The following LOC128071545 variants were observed in gnomAD, a reference collection of about 807,000 sequenced individuals.
the LOC128071545 span, chr15:81,002,166 G>C: frequency 8.7e-7 from 1 of 1,152,924 alleles, no homozygotes; most frequent in Non-Finnish European, 1.1e-6. Context: ...AAGGCACCGC[G>C]GCCTTGGCCA....
the LOC128071545 span, chr15:81,002,198 G>T: frequency 9.9e-6 from 12 of 1,207,564 alleles, no homozygotes; most frequent in Non-Finnish European, 1.2e-5. Context: ...ACGGCCGCCG[G>T]GGCGGCGGCA....
chr15:81,002,184 C>G, the LOC128071545 span: 158 of 1,196,312 alleles, frequency 1.3e-4, 1 homozygote, highest in Non-Finnish European at 1.6e-4. Context: ...CCAGCTGAGT[C>G]GCGACGGCCG....
chr15:81,002,162 C>T, the LOC128071545 span: 5 of 1,146,096 alleles, frequency 4.4e-6, no homozygotes, highest in Non-Finnish European at 5.4e-6. Context: ...GGGGAAGGCA[C>T]CGCGGCCTTG....
At chr15:81,002,219 C>T in the LOC128071545 span, 7 of 1,220,674 alleles carry the variant, frequency 5.7e-6, no homozygotes, top group East Asian at 3.3e-5. Flanking sequence ...GTGGCCGCGG[C>T]AGCGGCGGTG....
At chr15:81,002,185 G>T in the LOC128071545 span, 4 of 1,199,104 alleles carry the variant, frequency 3.3e-6, no homozygotes, top group South Asian at 1.7e-4. Context: ...CAGCTGAGTC[G>T]CGACGGCCGC....
the LOC128071545 span, chr15:81,002,151 C>A: frequency 2.8e-6 from 3 of 1,084,922 alleles, no homozygotes; most frequent in Non-Finnish European, 1.2e-6. Flanking sequence ...CATGATGGTG[C>A]GGGGAAGGCA....
chr15:81,002,210 T>TGGCCGCGGCAGC, the LOC128071545 span: 5 of 1,214,852 alleles, frequency 4.1e-6, no homozygotes, highest in Non-Finnish European at 5.1e-6. Context: ...GCGGCGGCAG[T>TGGCCGCGGCAGC]GGCCGCGGCA....
the LOC128071545 span, chr15:81,002,228 T>C: frequency 5.7e-6 from 7 of 1,225,626 alleles, no homozygotes; most frequent in African/African-American, 3.1e-5. Flanking sequence ...GCAGCGGCGG[T>C]GGTAGCGGGC....
chr15:81,002,257 T>C, the LOC128071545 span: 1 of 1,264,830 alleles, frequency 7.9e-7, no homozygotes, highest in Non-Finnish European at 9.9e-7. Context: ...GGCATGCCAG[T>C]GCCCCCCGGG....
chr15:81,002,196 C>G, the LOC128071545 span: 1 of 1,207,658 alleles, frequency 8.3e-7, no homozygotes, highest in East Asian at 3.4e-5. Flanking sequence ...CGACGGCCGC[C>G]GGGGCGGCGG....
At chr15:81,002,241 C>A in the LOC128071545 span, 1 of 1,251,414 alleles carries the variant, frequency 8.0e-7, no homozygotes, top group Non-Finnish European at 1.0e-6. Context: ...TAGCGGGCTC[C>A]CCAGCGGCAT....
the LOC128071545 span, chr15:81,002,155 G>A: frequency 6.3e-6 from 7 of 1,105,086 alleles, no homozygotes; most frequent in South Asian, 3.2e-4. Context: ...ATGGTGCGGG[G>A]AAGGCACCGC....
At chr15:81,002,264 C>G in the LOC128071545 span, 6 of 1,273,566 alleles carry the variant, frequency 4.7e-6, no homozygotes, top group Non-Finnish European at 4.0e-6. Context: ...CAGTGCCCCC[C>G]GGGCGCGATG....
the LOC128071545 span, chr15:81,002,148 G>A: frequency 9.3e-7 from 1 of 1,078,876 alleles, no homozygotes; most frequent in Non-Finnish European, 1.2e-6. Context: ...TGGCATGATG[G>A]TGCGGGGAAG....
the LOC128071545 span, chr15:81,002,256 G>T: frequency 1.6e-6 from 2 of 1,264,772 alleles, no homozygotes; most frequent in Non-Finnish European, 2.0e-6. Context: ...CGGCATGCCA[G>T]TGCCCCCCGG....
At chr15:81,002,194 G>A in the LOC128071545 span, 1 of 1,205,604 alleles carries the variant, frequency 8.3e-7, no homozygotes, top group Admixed American at 4.4e-5. Flanking sequence ...CGCGACGGCC[G>A]CCGGGGCGGC....
At chr15:81,002,178 C>A in the LOC128071545 span, 1 of 1,188,754 alleles carries the variant, frequency 8.4e-7, no homozygotes. Flanking sequence ...CCTTGGCCAG[C>A]TGAGTCGCGA....
chr15:81,002,191 G>A, the LOC128071545 span: 1 of 1,203,482 alleles, frequency 8.3e-7, no homozygotes, highest in Non-Finnish European at 1.0e-6. Flanking sequence ...AGTCGCGACG[G>A]CCGCCGGGGC....
chr15:81,002,196 C>T, the LOC128071545 span: 2 of 1,207,552 alleles, frequency 1.7e-6, no homozygotes, highest in South Asian at 4.2e-5. Flanking sequence ...CGACGGCCGC[C>T]GGGGCGGCGG....
Sources: gnomAD v4.1 joint callset for allele counts on GRCh38, gnomAD v4.1.1 for gene constraint, MANE v1.5 for transcripts.